LMBR1: variants seen among roughly 807,000 people sequenced by gnomAD.
The protein encoded by LMBR1 is limb development membrane protein 1.
LMBR1 carries 52 observed loss-of-function variants against 73.9 expected under a neutral mutation model. The ratio of observed to expected loss-of-function variants is 0.70; its 90% CI spans 0.56 to 0.89. The LOEUF is 0.89. LMBR1 is among the 40% of genes least tolerant of loss of function. LMBR1 has a pLI of 0.00. For synonymous variants in LMBR1, 215 were observed against 209.4 expected (o/e 1.03, Z -0.23); for missense variants, 539 against 579.8 (o/e 0.93, Z 0.72).
At chr7:156,867,298 C>T (rs1798604525) in intron 1 of LMBR1, among the ~76,000 whole-genome samples, 1 of 152,192 alleles carries the variant, frequency 6.6e-6, no homozygotes, top group Non-Finnish European at 1.5e-5. Flanking sequence ...AATTAGAATT[C>T]TCAAACATTG....
intron 1 of LMBR1, among the ~76,000 whole-genome samples, chr7:156,838,662 A>G (rs1412325578): frequency 6.6e-6 from 1 of 152,222 alleles, no homozygotes; most frequent in Non-Finnish European, 1.5e-5. Flanking sequence ...TATTGTGAAC[A>G]GTGCTGTCAT....
downstream of LMBR1, chr7:156,675,628 C>G: frequency 7.2e-7 from 1 of 1,390,412 alleles, no homozygotes. Flanking sequence ...TGGTCAGGCT[C>G]GAGAGCGCTT....
In LMBR1 at chr7:156,683,151, A is replaced by G. The variant is rs565042419; in HGVS notation, c.*927T>C. 1 of 152,364 alleles carries G rather than the reference A, an allele frequency of 6.6e-6. No homozygotes were observed. The highest frequency in any genetic ancestry group is 6.5e-5 in the Admixed American group (1 of 15,306). The allele number at this position is 152,364 out of a possible 1,614,324, so 9.4% of individuals were successfully genotyped here. On this transcript the variant is annotated 3_prime_UTR_variant, in exon 17 of 17. Transcript: ENST00000353442. The stretch of plus-strand genomic sequence containing the variant: ...CAAATGTAACCAAAGCCTGAGGACT[A>G]TGAAGAAAGAGGAGTTTCTACCACT...
At chr7:156,854,632 C>G (rs1001941561) in intron 1 of LMBR1, among the ~76,000 whole-genome samples, 1 of 152,170 alleles carries the variant, frequency 6.6e-6, no homozygotes, top group African/African-American at 2.4e-5. Context: ...GAGAGACACC[C>G]AGCTTCAGCC....
intron 5 of LMBR1, among the ~76,000 whole-genome samples, chr7:156,778,557 G>A (rs527693712): frequency 6.6e-6 from 1 of 152,290 alleles, no homozygotes; most frequent in South Asian, 2.1e-4. Flanking sequence ...AATGCAAGGT[G>A]GCAAATTTTT....
chr7:156,679,544 C>T lies in LMBR1; in HGVS notation c.*4534G>A, dbSNP rs761807027. Reference sequence around the variant, plus strand: ...TCAAATATGCTTGGTTCTGAAGTGTCAGTGTTTGTAAGCGGCATCGTTCAT... The same window carrying T: ...TCAAATATGCTTGGTTCTGAAGTGTTAGTGTTTGTAAGCGGCATCGTTCAT... On this transcript the variant is annotated 3_prime_UTR_variant, in exon 17 of 17. Coordinates refer to ENST00000353442, the MANE Select transcript of LMBR1 (RefSeq NM_022458.4). The T allele has an allele frequency of 1.3e-5, 2 of 152,126 alleles. No individual in the cohort carries two copies. The highest frequency in any genetic ancestry group is 2.9e-5 in the Non-Finnish European group (2 of 68,036). The allele number at this position is 152,126 out of a possible 1,614,324, so 9.4% of individuals were successfully genotyped here. A position where few individuals can be genotyped will look rare whatever the true frequency, so the allele number is the denominator to read the frequency against.
chr7:156,818,827 T>C (rs1834324176), intron 4 of LMBR1, among the ~76,000 whole-genome samples: 1 of 152,256 alleles, frequency 6.6e-6, no homozygotes, highest in African/African-American at 2.4e-5. Flanking sequence ...GTGGATACTT[T>C]ATTTTTTCGG....
At position 156,685,779 on chromosome 7, in the gene LMBR1, T is replaced by C. The variant is rs76364224; in HGVS notation, c.1388-1616A>G. The stretch of plus-strand genomic sequence containing the variant: ...CACAGGGCAGATGTTGAGAAAATAC[T>C]TTTCACGAAGCTCAGACCTTTCTGG... On this transcript the variant is annotated intron_variant, in intron 16 of 16. Coordinates refer to ENST00000353442, the MANE Select transcript of LMBR1 (RefSeq NM_022458.4). The surrounding 1 kb of genome is among the most constrained non-coding windows in gnomAD (Gnocchi z 4.1). 3.3e-3 allele frequency among the ~76,000 whole-genome samples: 497 copies of C among 152,342 alleles called. 5 individuals carry two copies. The highest frequency in any genetic ancestry group is 0.011 in the African/African-American group (462 of 41,572).
chr7:156,810,860 G>C (rs1025410996), intron 4 of LMBR1, among the ~76,000 whole-genome samples: 1 of 151,634 alleles, frequency 6.6e-6, no homozygotes, highest in East Asian at 1.9e-4. Context: ...CCAGGCTGGA[G>C]TACAGTGGCG....
At chr7:156,687,676 G>T (rs1015411881) in intron 16 of LMBR1, among the ~76,000 whole-genome samples, 1 of 152,142 alleles carries the variant, frequency 6.6e-6, no homozygotes, top group African/African-American at 2.4e-5. Context: ...ATTACCAAGA[G>T]ATAAGCTTTT....
chr7:156,885,456 A>T (rs1175170360), intron 1 of LMBR1, among the ~76,000 whole-genome samples: 1 of 152,116 alleles, frequency 6.6e-6, no homozygotes. Context: ...AAGAATTTAG[A>T]TTGCGCAGCC....
intron 9 of LMBR1, among the ~76,000 whole-genome samples, chr7:156,735,608 C>G (rs923772176): frequency 7.0e-6 from 1 of 143,098 alleles, no homozygotes; most frequent in Admixed American, 7.1e-5. Context: ...GTTCTGTTTG[C>G]TAGGGTTTTT....
chr7:156,774,819 C>T (rs146374825), intron 5 of LMBR1, among the ~76,000 whole-genome samples: 6,113 of 151,708 alleles, frequency 0.04, 176 homozygotes, highest in Non-Finnish European at 0.049. Context: ...GTGACAAGAG[C>T]GAGACTCCAT....
At chr7:156,824,226 C>T (rs1835285695) in intron 4 of LMBR1, among the ~76,000 whole-genome samples, 1 of 152,152 alleles carries the variant, frequency 6.6e-6, no homozygotes, top group Non-Finnish European at 1.5e-5. Context: ...GCACACACTA[C>T]TTTATGAGCA....
chr7:156,802,379 A>AT (rs1430382538), intron 4 of LMBR1, among the ~76,000 whole-genome samples: 7 of 152,218 alleles, frequency 4.6e-5, no homozygotes, highest in Admixed American at 6.5e-5. Flanking sequence ...TCTACACCTC[A>AT]TTTTTTATTT....
At position 156,682,510 on chromosome 7, in the gene LMBR1, A is replaced by T. The variant is rs889346506; in HGVS notation, c.*1568T>A. 6.6e-6 allele frequency: 1 copy of T among 152,192 alleles called. No individual in the cohort carries two copies. The highest frequency in any genetic ancestry group is 2.4e-5 in the African/African-American group (1 of 41,450). 9.4% of individuals were successfully genotyped at this position (152,192 alleles called of 1,614,324 possible). ...AATTCACCAGTACTATACTGGTGGT[A>T]TTTACTGAAGCTTGTTTAGAATCAC... On this transcript the variant is annotated 3_prime_UTR_variant, in exon 17 of 17. Transcript: ENST00000353442.
chr7:156,740,171 T>A (rs1184214691), intron 9 of LMBR1, among the ~76,000 whole-genome samples: 1 of 152,142 alleles, frequency 6.6e-6, no homozygotes, highest in East Asian at 1.9e-4. Context: ...ACTGGTGAGC[T>A]TGAAGACAGG....
At chr7:156,671,103 A>C (rs1563096043) in intron 4 of LMBR1, among the ~76,000 whole-genome samples, 1 of 152,248 alleles carries the variant, frequency 6.6e-6, no homozygotes, top group Non-Finnish European at 1.5e-5. Flanking sequence ...GCAATAGCTA[A>C]AAGAATAGAA....
intron 5 of LMBR1, among the ~76,000 whole-genome samples, chr7:156,766,438 A>G (rs1585653152): frequency 6.6e-6 from 1 of 152,276 alleles, no homozygotes; most frequent in South Asian, 2.1e-4. Flanking sequence ...TGTGCTGTGC[A>G]TAACCAAGTC....
Sources: allele counts gnomAD v4.1 joint callset (sites outside exome capture counted in the v4.1 genomes callset), GRCh38; gene constraint gnomAD v4.1.1; non-coding constraint Gnocchi (gnomAD v3.1); transcripts MANE v1.5; gene names NCBI Gene and HGNC (gene_info 2026-07-23, HGNC 2026-07-21).